Variants in CCDC60 observed in about 807,000 individuals in gnomAD.
CCDC60 encodes coiled-coil domain containing 60, also known as coiled-coil domain-containing protein 60.
A neutral mutation model predicts 63.5 loss-of-function variants in CCDC60; 54 were observed. That is an observed-to-expected ratio of 0.85 (90% confidence interval 0.68 to 1.07). CCDC60 has a LOEUF of 1.07. CCDC60 is among the 50% of genes least tolerant of loss of function. The probability of loss-of-function intolerance (pLI) is 0.00; values close to 1 mark genes in which losing one functional copy is unlikely to be tolerated. For synonymous variants in CCDC60, 206 were observed against 238.8 expected, an observed-to-expected ratio of 0.86 and a Z score of 1.27; for missense variants, 651 against 684.3, an observed-to-expected ratio of 0.95 and a Z score of 0.54.
At chr12:119,473,212 C>T (rs117022562) in intron 3 of CCDC60, among the ~76,000 whole-genome samples, 1 of 152,108 alleles carries the variant, frequency 6.6e-6, no homozygotes, top group Non-Finnish European at 1.5e-5. Flanking sequence ...TGGACAAAAT[C>T]CTGGGATACT....
In CCDC60 at chr12:119,516,694, A is replaced by G; in HGVS notation, c.955A>G (p.Arg319Gly). ...RTVTIENGMQ[R>G]KAPSILSVLK... is the part of the protein sequence containing the mutation. The stretch of plus-strand genomic sequence containing the variant: ...AGTCACAATAGAAAATGGGATGCAA[A>G]GAAAAGCACCCAGGTATGTGCTCTT... The change falls in exon 8 of 14, where the codon AGA becomes GGA. Residue 319 changes from arginine to glycine, a missense_variant. Coordinates refer to ENST00000327554, the MANE Select transcript of CCDC60 (RefSeq NM_178499.5). The G allele has an allele frequency of 1.2e-6, 2 of 1,612,572 alleles. No homozygotes were observed. Among genetic ancestry groups the G allele is most frequent in the Non-Finnish European group, 1.7e-6 (2 of 1,178,626 alleles).
chr12:119,343,296 A>C (rs1955550509), intron 1 of CCDC60, among the ~76,000 whole-genome samples: 1 of 152,184 alleles, frequency 6.6e-6, no homozygotes, highest in South Asian at 2.1e-4. Context: ...CTTGAAAATT[A>C]GCCGCGTCTG....
chr12:119,414,122 G>T (rs745715611), intron 1 of CCDC60, among the ~76,000 whole-genome samples: 3 of 151,930 alleles, frequency 2.0e-5, no homozygotes, highest in Non-Finnish European at 2.9e-5. Flanking sequence ...GGGTTCAAGC[G>T]ATTCTTCTCC....
chr12:119,524,401 T>C, intron 11 of CCDC60: 1 of 981,338 alleles, frequency 1.0e-6, no homozygotes, highest in Non-Finnish European at 1.2e-6. Context: ...AGCTTACTCC[T>C]TGACTCCAGA....
intron 11 of CCDC60, among the ~76,000 whole-genome samples, chr12:119,526,674 T>C (rs1257251460): frequency 2.6e-5 from 4 of 152,196 alleles, no homozygotes; most frequent in African/African-American, 9.6e-5. Context: ...TCAACATCAC[T>C]GATCATTAGA....
At chr12:119,496,155 G>A (rs534051219) in intron 5 of CCDC60, among the ~76,000 whole-genome samples, 10 of 152,184 alleles carry the variant, frequency 6.6e-5, no homozygotes, top group East Asian at 1.9e-4. Flanking sequence ...CTCTGCCCCC[G>A]CCCTGCTGCA....
chr12:119,493,423 A>C (rs1005508716), intron 5 of CCDC60, among the ~76,000 whole-genome samples: 3 of 152,028 alleles, frequency 2.0e-5, no homozygotes, highest in African/African-American at 7.2e-5. Flanking sequence ...AATCTTTGTT[A>C]GTTGCAGGAT....
intron 1 of CCDC60, among the ~76,000 whole-genome samples, chr12:119,345,744 AT>A (rs1397748832): frequency 6.6e-6 from 1 of 152,142 alleles, no homozygotes; most frequent in Non-Finnish European, 1.5e-5. Flanking sequence ...CTTACCTGGA[AT>A]TAAGAGGCCT....
At chr12:119,486,387 A>T (rs1951439994) in intron 4 of CCDC60, among the ~76,000 whole-genome samples, 1 of 152,060 alleles carries the variant, frequency 6.6e-6, no homozygotes, top group Non-Finnish European at 1.5e-5. Context: ...AAAAAATAAA[A>T]ATTAGCTGGG....
rs199812180 is a variant in CCDC60, at chr12:119,540,621, G to A, written c.1559G>A (p.Arg520Gln). The A allele has an allele frequency of 2.4e-5, 39 of 1,613,270 alleles. No individual in the cohort carries two copies. The highest frequency in any genetic ancestry group is 3.1e-5 in the Non-Finnish European group (36 of 1,179,610). The change falls in exon 14 of 14, where the codon CGA becomes CAA. Residue 520 changes from arginine to glutamine, a missense_variant. Coordinates refer to ENST00000327554, the MANE Select transcript of CCDC60 (RefSeq NM_178499.5). ...ACTATGTCTGCCTCACAGTTTGTGCGAGAACACATCATCCATATGCCTCAA... is the reference window on the plus strand; with the variant it reads ...ACTATGTCTGCCTCACAGTTTGTGCAAGAACACATCATCCATATGCCTCAA... ...PDIAVAIEFV[R>Q]EHIIHMPQED...
At chr12:119,335,888 G>A (rs939465027) in intron 1 of CCDC60, among the ~76,000 whole-genome samples, 1 of 151,814 alleles carries the variant, frequency 6.6e-6, no homozygotes, top group African/African-American at 2.4e-5. Context: ...CCTATGTCCT[G>A]AATGGTATTG....
intron 7 of CCDC60, among the ~76,000 whole-genome samples, chr12:119,510,475 T>C (rs905729576): frequency 6.6e-6 from 1 of 152,200 alleles, no homozygotes; most frequent in African/African-American, 2.4e-5. Flanking sequence ...AGGTTTCCTC[T>C]TCTCTTGTCT....
chr12:119,341,008 T>C (rs1297651544), intron 1 of CCDC60, among the ~76,000 whole-genome samples: 2 of 152,256 alleles, frequency 1.3e-5, no homozygotes, highest in African/African-American at 4.8e-5. Context: ...GAAGGGACTC[T>C]TTTCTCTCTC....
intron 2 of CCDC60, chr12:119,447,935 T>C (rs930105363): frequency 6.7e-6 from 1 of 150,148 alleles, no homozygotes; most frequent in Non-Finnish European, 1.5e-5. Flanking sequence ...AGAAAGTGGC[T>C]ACTGAGTCTA....
chr12:119,476,939 A>C (rs768869743), intron 3 of CCDC60, among the ~76,000 whole-genome samples: 5 of 152,208 alleles, frequency 3.3e-5, no homozygotes, highest in African/African-American at 4.8e-5. Flanking sequence ...CTTCTGCTAC[A>C]GTTACTATTG....
chr12:119,355,454 G>A (rs1194397391), intron 1 of CCDC60, among the ~76,000 whole-genome samples: 1 of 152,202 alleles, frequency 6.6e-6, no homozygotes, highest in East Asian at 1.9e-4. Flanking sequence ...ATTCATCAGA[G>A]CAGGAACAGC....
rs147973863 is a variant in CCDC60 at position 119,367,579 on chromosome 12, A to G, written c.90+32313A>G. ...GTTTGCCCTTAGCTGTGACCTTGGGAAAGCTTAGTACAATGTAGAGGTCAA... is the reference window on the plus strand; with the variant it reads ...GTTTGCCCTTAGCTGTGACCTTGGGGAAGCTTAGTACAATGTAGAGGTCAA... On this transcript the variant is annotated intron_variant, in intron 1 of 13. Coordinates refer to ENST00000327554, the MANE Select transcript of CCDC60 (RefSeq NM_178499.5). Among the ~76,000 whole-genome samples the G allele has an allele frequency of 5.5e-3, 836 of 152,312 alleles. 2 individuals carry two copies. Among genetic ancestry groups the G allele is most frequent in the Non-Finnish European group, 9.8e-3 (665 of 68,024 alleles).
At chr12:119,371,148 C>G (rs1955893953) in intron 1 of CCDC60, among the ~76,000 whole-genome samples, 1 of 152,178 alleles carries the variant, frequency 6.6e-6, no homozygotes, top group Middle Eastern at 3.2e-3. Flanking sequence ...TTGAGACAGC[C>G]TTGTGTTTCT....
intron 2 of CCDC60, among the ~76,000 whole-genome samples, chr12:119,455,751 GAAAGA>G (rs1280154084): frequency 2.3e-5 from 2 of 88,542 alleles, no homozygotes; most frequent in Admixed American, 1.4e-4. Flanking sequence ...AAGAAGGAAA[GAAAGA>G]AAAGAAAAGA....
Sources: allele counts gnomAD v4.1 joint callset (sites outside exome capture counted in the v4.1 genomes callset), GRCh38; gene constraint gnomAD v4.1.1; transcripts MANE v1.5; gene names NCBI Gene and HGNC (gene_info 2026-07-23, HGNC 2026-07-21).